The following LAMA2 variants were observed in gnomAD, a reference collection of about 807,000 sequenced individuals.
The protein encoded by LAMA2 is laminin subunit alpha-2.
Under a neutral mutation model 364.8 loss-of-function variants are expected in LAMA2, and 269 were observed. The observed-to-expected ratio is 0.74, with a 90% CI of 0.67 to 0.82. The LOEUF (loss-of-function observed/expected upper bound fraction) is 0.82. Among genes scored for constraint, LAMA2 ranks in the 40% least tolerant of loss-of-function variants. The pLI is 0.00. For synonymous variants in LAMA2, 1,379 were observed against 1,370.6 expected (o/e 1.01, Z -0.14); for missense variants, 3,807 against 3,873.2 (o/e 0.98, Z 0.45).
At chr6:128,984,655 AT>A (rs66667236) in intron 1 of LAMA2, among the ~76,000 whole-genome samples, 127,166 of 143,478 alleles carry the variant, frequency 0.89, 57,539 homozygotes, top group Non-Finnish European at 0.98. Flanking sequence ...AATTTAAATG[AT>A]TTTTTTTTTT....
chr6:129,268,324 G>A (rs909177973), intron 16 of LAMA2, among the ~76,000 whole-genome samples: 2 of 151,900 alleles, frequency 1.3e-5, no homozygotes, highest in Non-Finnish European at 2.9e-5. Context: ...TATGCCATAA[G>A]TCTTTTAAAA....
chr6:128,980,630 T>G (rs1782805324), intron 1 of LAMA2, among the ~76,000 whole-genome samples: 1 of 152,212 alleles, frequency 6.6e-6, no homozygotes, highest in Admixed American at 6.5e-5. Context: ...TAAATAAGCT[T>G]ATTTTTCCAT....
chr6:129,108,590 C>T (rs936533880), intron 4 of LAMA2, among the ~76,000 whole-genome samples: 8 of 152,010 alleles, frequency 5.3e-5, no homozygotes, highest in Admixed American at 4.6e-4. Flanking sequence ...TCTGTAGCCT[C>T]CCTTTCAGCT....
intron 46 of LAMA2, among the ~76,000 whole-genome samples, chr6:129,453,626 A>G (rs1230314777): frequency 6.6e-6 from 1 of 152,146 alleles, no homozygotes; most frequent in African/African-American, 2.4e-5. Flanking sequence ...CCACCCATAA[A>G]GTTCTAATTT....
intron 39 of LAMA2, among the ~76,000 whole-genome samples, chr6:129,402,916 G>C (rs1780058172): frequency 6.6e-6 from 1 of 152,126 alleles, no homozygotes. Context: ...CCCATACGTA[G>C]TCTTTAAGTC....
intron 28 of LAMA2, among the ~76,000 whole-genome samples, chr6:129,322,755 C>T (rs954994658): frequency 6.6e-6 from 1 of 152,076 alleles, no homozygotes; most frequent in Non-Finnish European, 1.5e-5. Flanking sequence ...AGTAGAATAG[C>T]AAATTATTTT....
At chr6:128,895,816 A>G (rs1442462515) in intron 1 of LAMA2, among the ~76,000 whole-genome samples, 2 of 152,170 alleles carry the variant, frequency 1.3e-5, no homozygotes, top group Non-Finnish European at 2.9e-5. Flanking sequence ...CGTATTTCTC[A>G]AAATATGGAA....
At position 129,393,232 on chromosome 6, in the gene LAMA2, C is replaced by T; in HGVS notation, c.5422C>T (p.Gln1808Ter). 6.2e-7 allele frequency: 1 copy of T among 1,613,734 alleles called. No individual in the cohort carries two copies. Among genetic ancestry groups the T allele is most frequent in the Non-Finnish European group, 8.5e-7 (1 of 1,179,716 alleles). ...REANRLFAVN[Q>*]KNMTALEKKK... The stretch of plus-strand genomic sequence containing the variant: ...AGCTAATCGCCTATTTGCAGTAAAT[C>T]AGAAAAACATGACTGCATTGGAGGT... Residue 1808 changes from glutamine (Q) to a stop codon, truncating the protein, a stop_gained, in exon 37 of 65, where the codon CAG becomes TAG. Transcript: ENST00000421865. LOFTEE classifies it high-confidence loss of function.
chr6:129,226,334 G>A (rs265339), intron 12 of LAMA2, among the ~76,000 whole-genome samples: 121,707 of 152,016 alleles, frequency 0.8, 49,055 homozygotes, highest in Non-Finnish European at 0.85. Context: ...GCCCATTTAC[G>A]TTTAAGGTTA....
chr6:129,440,832 GCAAGCTGTTAAGGACAAAGCCAGA>G lies in LAMA2; in HGVS notation c.6108_6131del (p.Val2037_Ala2044del). 6.2e-7 allele frequency: 1 copy of G among 1,613,730 alleles called. No individual in the cohort carries two copies. On this transcript the variant is annotated inframe_deletion, in exon 43 of 65. Transcript: ENST00000421865. Reference sequence around the variant, plus strand: ...TGCTGACAGATACAGCTGCTAAACTGCAAGCTGTTAAGGACAAAGCCAGACAAGCCAACGACACAGCTAAAGATG... The same window carrying G: ...TGCTGACAGATACAGCTGCTAAACTGCAAGCCAACGACACAGCTAAAGATG...
chr6:128,995,929 C>T (rs2114670113), intron 1 of LAMA2, among the ~76,000 whole-genome samples: 1 of 152,108 alleles, frequency 6.6e-6, no homozygotes, highest in Non-Finnish European at 1.5e-5. Flanking sequence ...ATAGTCAAGC[C>T]CTGCTCTCTT....
chr6:128,949,072 T>C (rs1191280535), intron 1 of LAMA2, among the ~76,000 whole-genome samples: 2 of 152,234 alleles, frequency 1.3e-5, no homozygotes, highest in Admixed American at 1.3e-4. Flanking sequence ...TGAATATTTT[T>C]ATGAGTAATA....
chr6:129,461,501 C>T (rs772147916), intron 49 of LAMA2, among the ~76,000 whole-genome samples: 1 of 151,974 alleles, frequency 6.6e-6, no homozygotes, highest in African/African-American at 2.4e-5. Context: ...CTGTAAAATT[C>T]TTTCAATACA....
chr6:129,243,425 A>G (rs560537017), intron 12 of LAMA2, among the ~76,000 whole-genome samples: 1 of 152,210 alleles, frequency 6.6e-6, no homozygotes, highest in South Asian at 2.1e-4. Flanking sequence ...ACGATAAGAA[A>G]CACTGTATAT....
chr6:129,040,589 A>G (rs1359463236), intron 1 of LAMA2, among the ~76,000 whole-genome samples: 1 of 152,196 alleles, frequency 6.6e-6, no homozygotes, highest in Admixed American at 6.5e-5. Flanking sequence ...TGATCATGCC[A>G]CTGCACTCCA....
chr6:129,021,758 T>C (rs1374385396), intron 1 of LAMA2, among the ~76,000 whole-genome samples: 1 of 152,170 alleles, frequency 6.6e-6, no homozygotes, highest in Non-Finnish European at 1.5e-5. Context: ...GAGTAGTAAA[T>C]AGCCAAAGGG....
chr6:128,982,139 C>A (rs1237639162), intron 1 of LAMA2, among the ~76,000 whole-genome samples: 1 of 152,102 alleles, frequency 6.6e-6, no homozygotes, highest in Non-Finnish European at 1.5e-5. Flanking sequence ...AATATATACC[C>A]ACATTCCTAA....
At chr6:129,164,121 C>T (rs1779599406) in intron 8 of LAMA2, among the ~76,000 whole-genome samples, 1 of 152,026 alleles carries the variant, frequency 6.6e-6, no homozygotes, top group Non-Finnish European at 1.5e-5. Context: ...CCAGGAACCC[C>T]AGTTGATACC....
rs758048596 is a variant in LAMA2, at chr6:129,383,105, C to A, written c.4960-17C>A. 18 of 1,602,740 alleles carry A rather than the reference C, an allele frequency of 1.1e-5. No homozygotes were observed. Among genetic ancestry groups the A allele is most frequent in the Admixed American group, 1.7e-5 (1 of 59,882 alleles). On this transcript the variant is annotated splice_polypyrimidine_tract_variant and intron_variant, in intron 34 of 64. Transcript: ENST00000421865. Reference sequence around the variant, plus strand: ...TCATCTCTATTAATTATGTGTTTCCCGAATTTGGATCATTAGGCTACCAAA... The same window carrying A: ...TCATCTCTATTAATTATGTGTTTCCAGAATTTGGATCATTAGGCTACCAAA...
Sources: gnomAD v4.1 joint callset for allele counts (sites outside exome capture counted in the v4.1 genomes callset) on GRCh38, gnomAD v4.1.1 for gene constraint, MANE v1.5 for transcripts, NCBI Gene and HGNC (gene_info 2026-07-23, HGNC 2026-07-21) for gene names.